FLG2: variants seen among roughly 807,000 people sequenced by gnomAD.
The protein encoded by FLG2 is filaggrin-2.
A neutral mutation model predicts 3.9 loss-of-function variants in FLG2; 7 were observed. The ratio of observed to expected loss-of-function variants is 1.79; its 90% CI spans 1.02 to 3.36. The LOEUF is 3.36. FLG2 is among the 30% of genes most tolerant of loss of function. The probability of loss-of-function intolerance (pLI) is 0.00; values close to 1 mark genes in which losing one functional copy is unlikely to be tolerated. For synonymous variants in FLG2, 1,031 were observed against 1,056.1 expected, an observed-to-expected ratio of 0.98 and a Z score of 0.46; for missense variants, 2,700 against 2,809.4, an observed-to-expected ratio of 0.96 and a Z score of 0.88.
intron 1 of FLG2, among the ~76,000 whole-genome samples, chr1:152,359,581 G>A (rs2101683791): frequency 6.6e-6 from 1 of 152,222 alleles, no homozygotes; most frequent in East Asian, 1.9e-4. Flanking sequence ...ATTAGATCTT[G>A]GAGCTCTGGG....
chr1:152,354,015 G>C lies in FLG2; in HGVS notation c.3771C>G (p.Ser1257=), dbSNP rs761086871. Residue 1257 remains serine (S), a synonymous_variant, in exon 3 of 3, where the codon TCC becomes TCG. Transcript: ENST00000388718. ...TRHSQSGQGQ[S]TQTGSRVTRR... is the part of the protein sequence containing the mutation. The stretch of plus-strand genomic sequence containing the variant: ...TAGTTACCCTGGACCCTGTCTGTGT[G>C]GATTGTCCTTGACCAGACTGGCTAT... 1.2e-6 allele frequency: 2 copies of C among 1,614,108 alleles called. No homozygotes were observed. The highest frequency in any genetic ancestry group is 2.7e-5 in the African/African-American group (2 of 75,006).
At position 152,355,185 on chromosome 1, in the gene FLG2, C is replaced by T; in HGVS notation, c.2601G>A (p.Gln867=). 6.4e-7 allele frequency: 1 copy of T among 1,571,036 alleles called. No individual in the cohort carries two copies. Among genetic ancestry groups the T allele is most frequent in the Non-Finnish European group, 8.6e-7 (1 of 1,158,346 alleles). Residue 867 remains glutamine (Q), a synonymous_variant, in exon 3 of 3, where the codon CAG becomes CAA. Coordinates refer to ENST00000388718, the MANE Select transcript of FLG2 (RefSeq NM_001014342.3). The stretch of plus-strand genomic sequence containing the variant: ...ACCTGTGTTGTCCAAAGCCAGATGT[C>T]TGTCCCGAACTTGACCCATGTTGAC... The part of the protein sequence containing the change: ...GYGQHGSSSG[Q]TSGFGQHRSS...
In FLG2 at chr1:152,350,856, A is replaced by T. The variant is rs1653881038; in HGVS notation, c.6930T>A (p.Ser2310=). ...QTGDTTRHGH[S]GYGQSTQTGS... is the part of the protein sequence containing the mutation. ...CTGTCTGTGTGGATTGTCCATAACC[A>T]GAATGGCCATGTCTAGTGGTATCTC... Residue 2310 remains serine, a synonymous_variant, in exon 3 of 3, where the codon TCT becomes TCA. Coordinates refer to ENST00000388718, the MANE Select transcript of FLG2 (RefSeq NM_001014342.3). The T allele has an allele frequency of 1.9e-6, 3 of 1,614,052 alleles. No homozygotes were observed. In the Admixed American group the frequency reaches 5.0e-5, roughly 27 times the overall value.
rs764641471 is a variant in FLG2, at chr1:152,352,695, T to A, written c.5091A>T (p.Gly1697=). The change falls in exon 3 of 3, where the codon GGA becomes GGT. Residue 1697 remains glycine, a synonymous_variant. Coordinates refer to ENST00000388718, the MANE Select transcript of FLG2 (RefSeq NM_001014342.3). ...CATGTCTAGTGGTATCTCCTGTCTGTCCATGAGTAGTTCCATGTCTCTCAG... is the reference window on the plus strand; with the variant it reads ...CATGTCTAGTGGTATCTCCTGTCTGACCATGAGTAGTTCCATGTCTCTCAG... ...IVPERHGTTH[G]QTGDTTRHAH... 1.1e-4 allele frequency: 174 copies of A among 1,613,820 alleles called. 1 individual carries two copies. Among genetic ancestry groups the A allele is most frequent in the Non-Finnish European group, 1.5e-4 (174 of 1,179,964 alleles).
In FLG2 at chr1:152,356,053, G is replaced by T. The variant is rs1427982746; in HGVS notation, c.1733C>A (p.Thr578Asn). 1 of 1,613,804 alleles carries T rather than the reference G, an allele frequency of 6.2e-7. No individual in the cohort carries two copies. Among genetic ancestry groups the T allele is most frequent in the East Asian group, 2.2e-5 (1 of 44,874 alleles). The change falls in exon 3 of 3, where the codon ACT (threonine) becomes AAT (asparagine). Residue 578 changes from threonine to asparagine, a missense_variant. Physicochemically the swap from Thr to Asn is moderately conservative, Grantham distance 65. Transcript: ENST00000388718. ...GCCCGATCCATATTGGCCAAAGCCA[G>T]TGGATTGACCTGAGCCCAACCCATG... ...GQHGLGSGQSTGFGQYGSGSG... is the reference protein window; with the variant it reads ...GQHGLGSGQSNGFGQYGSGSG...
Position 152,356,765 on chromosome 1 carries a change from G to C in FLG2, c.1021C>G (p.Pro341Ala). ...GACTGACTACAGGGGTTAGACTCAGGTTGACCACATCCAGAGGGCTGACCT... is the reference window on the plus strand; with the variant it reads ...GACTGACTACAGGGGTTAGACTCAGCTTGACCACATCCAGAGGGCTGACCT... The part of the protein sequence containing the change: ...SGGQPSGCGQ[P>A]ESNPCSQSYS... The change falls in exon 3 of 3, where the codon CCT (proline) becomes GCT (alanine). Residue 341 changes from proline to alanine, a missense_variant. Pro to Ala is a conservative substitution (Grantham distance 27, BLOSUM62 -1). Coordinates refer to ENST00000388718, the MANE Select transcript of FLG2 (RefSeq NM_001014342.3). The C allele has an allele frequency of 6.2e-7, 1 of 1,614,170 alleles. No individual in the cohort carries two copies. The highest frequency in any genetic ancestry group is 1.6e-4 in the Middle Eastern group (1 of 6,062).
At position 152,357,196 on chromosome 1, in the gene FLG2, T is replaced by C; in HGVS notation, c.590A>G (p.His197Arg). The change falls in exon 3 of 3, where the codon CAT (histidine) becomes CGT (arginine). Residue 197 changes from histidine (H) to arginine (R), a missense_variant. Transcript: ENST00000388718. Reference sequence around the variant, plus strand: ...TCTCAGTTCTACAGAGCTGGAACCATGTCTGTCTTTGCCACCACTCCATGA... The same window carrying C: ...TCTCAGTTCTACAGAGCTGGAACCACGTCTGTCTTTGCCACCACTCCATGA... ...GHSWSGGKDR[H>R]GSSSVELRER... 6.2e-7 allele frequency: 1 copy of C among 1,614,202 alleles called. No individual in the cohort carries two copies. Among genetic ancestry groups the C allele is most frequent in the Non-Finnish European group, 8.5e-7 (1 of 1,180,022 alleles).
At position 152,351,177 on chromosome 1, in the gene FLG2, T is replaced by C. The variant is rs766057290; in HGVS notation, c.6609A>G (p.Gln2203=). 1.2e-6 allele frequency: 2 copies of C among 1,613,778 alleles called. No individual in the cohort carries two copies. Among genetic ancestry groups the C allele is most frequent in the East Asian group, 2.2e-5 (1 of 44,860 alleles). Residue 2203 remains glutamine, a synonymous_variant, in exon 3 of 3, where the codon CAA becomes CAG. Coordinates refer to ENST00000388718, the MANE Select transcript of FLG2 (RefSeq NM_001014342.3). ...CTGACTGTCCATGTCGAGATCCGGCTTGGCTGTGAGTGTGTCCTGAATGTG... is the reference window on the plus strand; with the variant it reads ...CTGACTGTCCATGTCGAGATCCGGCCTGGCTGTGAGTGTGTCCTGAATGTG... The part of the protein sequence containing the change: ...SPTHSGHTHS[Q]AGSRHGQSGS...
rs1308109532 is a variant in FLG2, at chr1:152,352,407, G to A, written c.5379C>T (p.Ser1793=). The A allele has an allele frequency of 6.2e-7, 1 of 1,613,852 alleles. No individual in the cohort carries two copies. The highest frequency in any genetic ancestry group is 8.5e-7 in the Non-Finnish European group (1 of 1,179,954). The part of the protein sequence containing the change: ...SGHGQSTQTG[S]RTTGRRSSGH... ...CAGATGACCTTCTTCCAGTGGTCCT[G>A]GACCCTGTCTGTGTGGACTGTCCAT... Residue 1793 remains serine, a synonymous_variant, in exon 3 of 3, where the codon TCC becomes TCT. Coordinates refer to ENST00000388718, the MANE Select transcript of FLG2 (RefSeq NM_001014342.3).
Position 152,351,566 on chromosome 1 carries a change from C to A in FLG2, c.6220G>T (p.Gly2074Ter). 1 of 1,612,324 alleles carries A rather than the reference C, an allele frequency of 6.2e-7. No individual in the cohort carries two copies. Among genetic ancestry groups the A allele is most frequent in the Non-Finnish European group, 8.5e-7 (1 of 1,179,708 alleles). ...TGTCTAGTGGTATCTCCTGTCTGTC[C>A]ATGAGTAGTTCCGTGTCTCTCATGA... ...SVHERHGTTH[G>*]QTGDTTRHAH... The change falls in exon 3 of 3, where the codon GGA becomes TGA. Residue 2074 changes from glycine (G) to a stop codon, truncating the protein, a stop_gained. Transcript: ENST00000388718. LOFTEE classifies it low-confidence loss of function (END_TRUNC).
Position 152,354,867 on chromosome 1 carries a change from G to C in FLG2, c.2919C>G (p.Gly973=). ...QHGSGSGQSS[G]FGQHESGSGK... ...CTGAGCCTGACTCATGTTGTCCAAA[G>C]CCAGAGGACTGACCTGAGCCTGATC... is the stretch of plus-strand genomic sequence containing the variant. Residue 973 remains glycine, a synonymous_variant, in exon 3 of 3, where the codon GGC becomes GGG. Coordinates refer to ENST00000388718, the MANE Select transcript of FLG2 (RefSeq NM_001014342.3). 1 of 1,613,668 alleles carries C rather than the reference G, an allele frequency of 6.2e-7. No homozygotes were observed. Among genetic ancestry groups the C allele is most frequent in the African/African-American group, 1.3e-5 (1 of 74,822 alleles).
rs750857407 is a variant in FLG2, at chr1:152,354,688, C to T, written c.3098G>A (p.Gly1033Asp). Residue 1033 changes from glycine (G) to aspartate (D), a missense_variant, in exon 3 of 3, where the codon GGC becomes GAC. By Grantham distance (94) the Gly-to-Asp change is moderately conservative. Transcript: ENST00000388718. Reference sequence around the variant, plus strand: ...ATGTTGTCCAAAGCCTGAGTATTGGCCTGAGCTTGACCTGTGTTGTCCAAA... The same window carrying T: ...ATGTTGTCCAAAGCCTGAGTATTGGTCTGAGCTTGACCTGTGTTGTCCAAA... The part of the protein sequence containing the change: ...TGFGQHRSSS[G>D]QYSGFGQHGS... The T allele has an allele frequency of 1.2e-6, 2 of 1,613,908 alleles. No individual in the cohort carries two copies. The highest frequency in any genetic ancestry group is 4.5e-5 in the East Asian group (2 of 44,856).
Position 152,352,462 on chromosome 1 carries a change from C to T in FLG2, c.5324G>A (p.Gly1775Asp). Residue 1775 changes from glycine (G) to aspartate (D), a missense_variant, in exon 3 of 3, where the codon GGC becomes GAC. Transcript: ENST00000388718. ...ERHGTIHGQT[G>D]DTTRHAHSGH... Reference sequence around the variant, plus strand: ...AGAGTGGGCATGTCTGGTGGTATCGCCTGTCTGTCCATGTATAGTTCCATG... The same window carrying T: ...AGAGTGGGCATGTCTGGTGGTATCGTCTGTCTGTCCATGTATAGTTCCATG... The T allele has an allele frequency of 6.2e-7, 1 of 1,612,828 alleles. No individual in the cohort carries two copies. Among genetic ancestry groups the T allele is most frequent in the Non-Finnish European group, 8.5e-7 (1 of 1,179,706 alleles).
At position 152,355,614 on chromosome 1, in the gene FLG2, T is replaced by G; in HGVS notation, c.2172A>C (p.Leu724Phe). 6.2e-7 allele frequency: 1 copy of G among 1,612,762 alleles called. No homozygotes were observed. Among genetic ancestry groups the G allele is most frequent in the Middle Eastern group, 1.7e-4 (1 of 6,052 alleles). ...GQTSGFGQHELSSGQSSSFGQ... is the reference protein window; with the variant it reads ...GQTSGFGQHEFSSGQSSSFGQ... The stretch of plus-strand genomic sequence containing the variant: ...CAAAGCTGGAAGACTGACCTGAGCT[T>G]AACTCGTGTTGTCCAAATCCAGATG... Residue 724 changes from leucine to phenylalanine, a missense_variant, in exon 3 of 3, where the codon TTA becomes TTC. By Grantham distance (22) the Leu-to-Phe change is conservative. Transcript: ENST00000388718.
In FLG2 at chr1:152,355,364, C is replaced by T. The variant is rs745843797; in HGVS notation, c.2422G>A (p.Gly808Ser). 6.2e-7 allele frequency: 1 copy of T among 1,613,718 alleles called. No individual in the cohort carries two copies. The highest frequency in any genetic ancestry group is 1.1e-5 in the South Asian group (1 of 91,054). The change falls in exon 3 of 3, where the codon GGC becomes AGC. Residue 808 changes from glycine (G) to serine (S), a missense_variant. Transcript: ENST00000388718. ...TGACCTGAGCCTGATCCATATTGGC[C>T]AAAGCCAGTGGATTGACTTGAGCCT... Reference protein sequence around the residue: ...GSGSSQSTGFGQYGSGSGQSA... With the variant: ...GSGSSQSTGFSQYGSGSGQSA...
chr1:152,352,004 C>A lies in FLG2; in HGVS notation c.5782G>T (p.Asp1928Tyr), dbSNP rs772121360. 1 of 1,613,840 alleles carries A rather than the reference C, an allele frequency of 6.2e-7. No individual in the cohort carries two copies. Among genetic ancestry groups the A allele is most frequent in the South Asian group, 1.1e-5 (1 of 91,068 alleles). The change falls in exon 3 of 3, where the codon GAT (aspartate) becomes TAT (tyrosine). Residue 1928 changes from aspartate (D) to tyrosine (Y), a missense_variant. Physicochemically the swap from Asp to Tyr is radical, Grantham distance 160. Transcript: ENST00000388718. ...CTAGGGTGGCCATGTTCAGTGGTAT[C>A]TCCTGTCTGTCCATGAGTAGTTTGG... ...RHQTTHGQTG[D>Y]TTEHGHPSHG... is the part of the protein sequence containing the mutation.
Position 152,350,832 on chromosome 1 carries a change from T to C in FLG2, c.6954A>G (p.Thr2318=). ...GACTTGCTCTACTAGATCTGGAACCTGTCTGTGTGGATTGTCCATAACCAG... is the reference window on the plus strand; with the variant it reads ...GACTTGCTCTACTAGATCTGGAACCCGTCTGTGTGGATTGTCCATAACCAG... ...GHSGYGQSTQ[T]GSRSSRASHF... is the part of the protein sequence containing the mutation. Residue 2318 remains threonine, a synonymous_variant, in exon 3 of 3, where the codon ACA becomes ACG. Coordinates refer to ENST00000388718, the MANE Select transcript of FLG2 (RefSeq NM_001014342.3). 2 of 1,614,196 alleles carry C rather than the reference T, an allele frequency of 1.2e-6. No homozygotes were observed. Among genetic ancestry groups the C allele is most frequent in the Non-Finnish European group, 1.7e-6 (2 of 1,180,036 alleles).
In FLG2 at chr1:152,351,129, C is replaced by T. The variant is rs1226106743; in HGVS notation, c.6657G>A (p.Gln2219=). 1 of 1,613,146 alleles carries T rather than the reference C, an allele frequency of 6.2e-7. No homozygotes were observed. The highest frequency in any genetic ancestry group is 8.5e-7 in the Non-Finnish European group (1 of 1,179,736). Residue 2219 remains glutamine (Q), a synonymous_variant, in exon 3 of 3, where the codon CAG becomes CAA. Transcript: ENST00000388718. ...CTCCTGTCTGTCCATGAGTAGTTCC[C>T]TGTCTCCCATGACCTGAGGATCCTG... ...GQSGSSGHGR[Q]GTTHGQTGDT... is the part of the protein sequence containing the mutation.
chr1:152,359,269 C>A (rs1209355358), intron 1 of FLG2, among the ~76,000 whole-genome samples: 1 of 152,152 alleles, frequency 6.6e-6, no homozygotes, highest in Admixed American at 6.5e-5. Flanking sequence ...AGCCAGACAC[C>A]ATTGCCTCAA....
Sources: allele counts gnomAD v4.1 joint callset (sites outside exome capture counted in the v4.1 genomes callset), GRCh38; gene constraint gnomAD v4.1.1; transcripts MANE v1.5; gene names NCBI Gene and HGNC (gene_info 2026-07-23, HGNC 2026-07-21).